The following ERC2 variants were observed in gnomAD, a reference collection of about 807,000 sequenced individuals.
ERC2 encodes ELKS/RAB6-interacting/CAST family member 2, also known as ERC protein 2.
In ERC2, 42 loss-of-function variants were observed where a neutral mutation model predicts 114.8. The ratio of observed to expected loss-of-function variants is 0.37; its 90% CI spans 0.29 to 0.47. The LOEUF (loss-of-function observed/expected upper bound fraction) is 0.47, where lower values mean the gene tolerates loss of function less well. Ranked by LOEUF, ERC2 falls within the 20% of genes least tolerant of loss-of-function variation. The pLI is 0.99. For synonymous variants in ERC2, 454 were observed against 425.5 expected (o/e 1.07, Z -0.82); for missense variants, 939 against 1,150.7 (o/e 0.82, Z 2.66).
At chr3:56,317,448 G>T (rs1199437743) in intron 2 of ERC2, among the ~76,000 whole-genome samples, 1 of 152,122 alleles carries the variant, frequency 6.6e-6, no homozygotes, top group East Asian at 1.9e-4. Context: ...CATTCAGCAG[G>T]GGGGCGACGT....
chr3:56,338,885 G>A (rs1218334245), intron 2 of ERC2, among the ~76,000 whole-genome samples: 1 of 152,188 alleles, frequency 6.6e-6, no homozygotes, highest in Non-Finnish European at 1.5e-5. Flanking sequence ...AAGCATGTCT[G>A]CAAATGAACA....
intron 15 of ERC2, among the ~76,000 whole-genome samples, chr3:55,716,355 C>G (rs2064121860): frequency 6.6e-6 from 1 of 152,182 alleles, no homozygotes; most frequent in Non-Finnish European, 1.5e-5. Flanking sequence ...CCTACAAAAC[C>G]AGGTACTTCA....
At chr3:56,345,859 T>A (rs1364943067) in intron 2 of ERC2, among the ~76,000 whole-genome samples, 2 of 152,090 alleles carry the variant, frequency 1.3e-5, no homozygotes, top group African/African-American at 4.8e-5. Context: ...GTGTGCAGGG[T>A]TTATCAGGCA....
At chr3:56,229,417 G>T (rs141580613) in intron 3 of ERC2, among the ~76,000 whole-genome samples, 1 of 152,290 alleles carries the variant, frequency 6.6e-6, no homozygotes, top group East Asian at 1.9e-4. Flanking sequence ...TCAGAGAAAT[G>T]ATAATAGCAG....
In ERC2 at chr3:55,992,130, G is replaced by T; in HGVS notation, c.2182C>A (p.Arg728=). 6.2e-7 allele frequency: 1 copy of T among 1,613,838 alleles called. No individual in the cohort carries two copies. The highest frequency in any genetic ancestry group is 8.5e-7 in the Non-Finnish European group (1 of 1,179,866). Residue 728 remains arginine, a synonymous_variant, in exon 11 of 18, where the codon CGG becomes AGG. Transcript: ENST00000288221. ...ACCTCCTTGAGGATCTCCAGCAACC[G>T]GTCCACTTCCGCTTGGGCCTTGCCA... ...ECGKAQAEVD[R]LLEILKEVEN...
chr3:55,764,046 C>T (rs1248684611), intron 14 of ERC2, among the ~76,000 whole-genome samples: 1 of 152,164 alleles, frequency 6.6e-6, no homozygotes, highest in African/African-American at 2.4e-5. Flanking sequence ...CAAATATTAA[C>T]ATTCTCAGAA....
chr3:56,359,072 G>A (rs1003231587), intron 2 of ERC2, among the ~76,000 whole-genome samples: 14 of 152,228 alleles, frequency 9.2e-5, no homozygotes, highest in South Asian at 2.1e-4. Context: ...ATGTGTGTAC[G>A]TGTGCATGAA....
intron 12 of ERC2, among the ~76,000 whole-genome samples, chr3:55,975,140 G>A (rs867990388): frequency 2.0e-5 from 3 of 151,704 alleles, no homozygotes; most frequent in Non-Finnish European, 2.9e-5. Context: ...TTGGTTTCCC[G>A]ATCTCAAAAA....
intron 13 of ERC2, among the ~76,000 whole-genome samples, chr3:55,920,337 G>A (rs529502202): frequency 1.3e-5 from 2 of 151,342 alleles, no homozygotes; most frequent in African/African-American, 4.8e-5. Flanking sequence ...GGCACTAAAC[G>A]AATAAATATT....
intron 7 of ERC2, among the ~76,000 whole-genome samples, chr3:56,034,624 A>G (rs975218203): frequency 6.6e-6 from 1 of 152,214 alleles, no homozygotes; most frequent in African/African-American, 2.4e-5. Flanking sequence ...TTGAAATCAT[A>G]TCAAGTATCT....
chr3:56,233,821 C>T (rs777147791), intron 3 of ERC2, among the ~76,000 whole-genome samples: 2 of 152,072 alleles, frequency 1.3e-5, no homozygotes, highest in Non-Finnish European at 2.9e-5. Context: ...ATCTTCAAAG[C>T]CAGCAATCAC....
At chr3:56,296,542 A>G in intron 2 of ERC2, 107 bp from the exon 3 acceptor site, 1 of 1,249,092 alleles carries the variant, frequency 8.0e-7, no homozygotes, top group Non-Finnish European at 1.1e-6. Flanking sequence ...AATGTTAATC[A>G]TGAGGTCCGG....
At chr3:56,453,848 A>G (rs951645855) in intron 1 of ERC2, among the ~76,000 whole-genome samples, 1 of 152,200 alleles carries the variant, frequency 6.6e-6, no homozygotes, top group Non-Finnish European at 1.5e-5. Flanking sequence ...ATAGTTGTAC[A>G]AACAATCCAA....
At chr3:56,260,781 T>C (rs1462896381) in intron 3 of ERC2, among the ~76,000 whole-genome samples, 1 of 152,212 alleles carries the variant, frequency 6.6e-6, no homozygotes, top group Admixed American at 6.5e-5. Flanking sequence ...CATCACTTTC[T>C]TGCTGAAACC....
intron 14 of ERC2, among the ~76,000 whole-genome samples, chr3:55,880,416 A>G (rs1459865718): frequency 6.6e-6 from 1 of 152,196 alleles, no homozygotes; most frequent in Non-Finnish European, 1.5e-5. Context: ...TGTTTTTGCT[A>G]TAGACTATAA....
intron 3 of ERC2, among the ~76,000 whole-genome samples, chr3:56,247,390 C>T (rs1044602423): frequency 6.6e-6 from 1 of 152,174 alleles, no homozygotes; most frequent in African/African-American, 2.4e-5. Flanking sequence ...TGAAGTTCTC[C>T]TATCAATTTG....
intron 3 of ERC2, among the ~76,000 whole-genome samples, chr3:56,218,197 C>G (rs559546740): frequency 6.6e-6 from 1 of 152,044 alleles, no homozygotes; most frequent in African/African-American, 2.4e-5. Context: ...TCAGAGTGAA[C>G]AGGCAACCTA....
chr3:56,228,110 T>G (rs889506248), intron 3 of ERC2, among the ~76,000 whole-genome samples: 6 of 152,150 alleles, frequency 3.9e-5, no homozygotes, highest in Admixed American at 2.6e-4. Flanking sequence ...GGGAGGGGCA[T>G]AGTGGTCTGC....
intron 3 of ERC2, among the ~76,000 whole-genome samples, chr3:56,220,311 A>T (rs1053902706): frequency 6.6e-6 from 1 of 152,196 alleles, no homozygotes; most frequent in African/African-American, 2.4e-5. Context: ...ATGCCATGAA[A>T]TGCTTTATTA....
Sources: gnomAD v4.1 joint callset for allele counts (sites outside exome capture counted in the v4.1 genomes callset) on GRCh38, gnomAD v4.1.1 for gene constraint, MANE v1.5 for transcripts, NCBI Gene and HGNC (gene_info 2026-07-23, HGNC 2026-07-21) for gene names.